PRKAR1A: variants seen among roughly 807,000 people sequenced by gnomAD.
PRKAR1A encodes the protein cAMP-dependent protein kinase type I-alpha regulatory subunit.
In PRKAR1A, 3 loss-of-function variants were observed where a neutral mutation model predicts 52.0. That is an observed-to-expected ratio of 0.06 (90% confidence interval 0.03 to 0.15). PRKAR1A has a LOEUF of 0.15. PRKAR1A is among the 10% of genes least tolerant of loss of function. The pLI is 1.00. For missense variants in PRKAR1A, 240 were observed against 477.4 expected (o/e 0.50, Z 4.63); for synonymous variants, 188 against 168.4 (o/e 1.12, Z -0.90).
At chr17:68,457,197 A>C in the PRKAR1A span, 1 of 934,110 alleles carries the variant, frequency 1.1e-6, no homozygotes, top group Non-Finnish European at 1.6e-6. Flanking sequence ...CGGGGATAAC[A>C]AGATCCCAAT....
chr17:68,530,510 T>C lies in PRKAR1A; in HGVS notation c.*61T>C. On this transcript the variant is annotated 3_prime_UTR_variant, in exon 11 of 11. Transcript: ENST00000589228. The stretch of plus-strand genomic sequence containing the variant: ...CAATCCATGCTTCACTCATGCAAAC[T>C]GCTTTATTTTCCCTACTTGCAGCGC... 1 of 1,613,614 alleles carries C rather than the reference T, an allele frequency of 6.2e-7. No homozygotes were observed. Among genetic ancestry groups the C allele is most frequent in the Non-Finnish European group, 8.5e-7 (1 of 1,179,806 alleles).
chr17:68,524,416 A>G (rs1568696945), intron 5 of PRKAR1A, among the ~76,000 whole-genome samples: 1 of 152,152 alleles, frequency 6.6e-6, no homozygotes, highest in Non-Finnish European at 1.5e-5. Context: ...AATAAATGAA[A>G]CACCTACATT....
At chr17:68,520,181 A>G (rs2085561504) in intron 2 of PRKAR1A, among the ~76,000 whole-genome samples, 2 of 152,200 alleles carry the variant, frequency 1.3e-5, no homozygotes, top group Admixed American at 6.5e-5. Context: ...CACACAGGCA[A>G]CCATGGTATG....
chr17:68,530,467 T>A lies in PRKAR1A; in HGVS notation c.*18T>A, dbSNP rs778913923. On this transcript the variant is annotated 3_prime_UTR_variant, in exon 11 of 11. Transcript: ENST00000589228. ...CTGTCTGAAATCTGCCTCCTGTGCCTCCCTTTTCTCCTCTCCCCAATCCAT... is the reference window on the plus strand; with the variant it reads ...CTGTCTGAAATCTGCCTCCTGTGCCACCCTTTTCTCCTCTCCCCAATCCAT... 1.2e-6 allele frequency: 2 copies of A among 1,613,846 alleles called. No homozygotes were observed. The highest frequency in any genetic ancestry group is 2.7e-5 in the African/African-American group (2 of 74,890).
chr17:68,433,385 A>G, the PRKAR1A span: 1 of 1,259,822 alleles, frequency 7.9e-7, no homozygotes, highest in Non-Finnish European at 1.2e-6. Flanking sequence ...TTCAGAAAGA[A>G]AAGAGATCAT....
upstream of PRKAR1A, among the ~76,000 whole-genome samples, chr17:68,507,673 A>C (rs1016995522): frequency 6.6e-6 from 1 of 152,132 alleles, no homozygotes; most frequent in African/African-American, 2.4e-5. Flanking sequence ...ACATACATAC[A>C]TCTGAAAAAC....
chr17:68,542,278 G>T lies in PRKAR1A; in HGVS notation c.974-8806G>T. On this transcript the variant is annotated intron_variant, in intron 11 of 11. Coordinates refer to the PRKAR1A transcript ENST00000585981. ...AGGGAAACCCTGAACTCACAGCTCG[G>T]GAAGAGAAAGAAGAAGAAGGAAACA... 3 of 1,130,832 alleles carry T rather than the reference G, an allele frequency of 2.7e-6. No individual in the cohort carries two copies. The South Asian group carries it at 4.1e-5, about 15-fold the overall frequency. The allele number at this position is 1,130,832 out of a possible 1,614,324, so 70.0% of individuals were successfully genotyped here.
At chr17:68,450,244 G>A in the PRKAR1A span, among the ~76,000 whole-genome samples, 1 of 152,246 alleles carries the variant, frequency 6.6e-6, no homozygotes, top group African/African-American at 2.4e-5. Flanking sequence ...CCTTCCAGGA[G>A]AGCTGAGGAC....
At chr17:68,547,227 C>G (rs1399049925) in intron 11 of PRKAR1A, among the ~76,000 whole-genome samples, 1 of 152,146 alleles carries the variant, frequency 6.6e-6, no homozygotes, top group East Asian at 1.9e-4. Flanking sequence ...GACATTATCA[C>G]CTAACAAGAG....
intron 2 of PRKAR1A, among the ~76,000 whole-genome samples, chr17:68,519,202 G>A (rs778509032): frequency 6.6e-6 from 1 of 152,044 alleles, no homozygotes; most frequent in Non-Finnish European, 1.5e-5. Flanking sequence ...AGCACCCCAC[G>A]CTCTGTGTAC....
Position 68,524,126 on chromosome 17 carries a change from C to T in PRKAR1A, c.502+49C>T, listed in dbSNP as rs374449586. ...TATTGTTACGGGAGAGGAGGCGAGACTAGAGGATTTTTTTGGTTTTGTTTT... is the reference window on the plus strand; with the variant it reads ...TATTGTTACGGGAGAGGAGGCGAGATTAGAGGATTTTTTTGGTTTTGTTTT... On this transcript the variant is annotated intron_variant, in intron 5 of 10. Coordinates refer to ENST00000589228, the MANE Select transcript of PRKAR1A (RefSeq NM_002734.5). 689 of 1,593,666 alleles carry T rather than the reference C, an allele frequency of 4.3e-4. 1 individual carries two copies. The highest frequency in any genetic ancestry group is 5.4e-4 in the Non-Finnish European group (623 of 1,163,004).
At chr17:68,471,422 A>T in the PRKAR1A span, among the ~76,000 whole-genome samples, 1 of 152,176 alleles carries the variant, frequency 6.6e-6, no homozygotes, top group Non-Finnish European at 1.5e-5. Flanking sequence ...CTGTAACCAT[A>T]ATCTCCTCCT....
At chr17:68,480,922 T>TAGACC in the PRKAR1A span, among the ~76,000 whole-genome samples, 1 of 152,328 alleles carries the variant, frequency 6.6e-6, no homozygotes, top group African/African-American at 2.4e-5. Context: ...AAGTCCTCAG[T>TAGACC]TTTATTCAGG....
the PRKAR1A span, chr17:68,450,800 G>A: frequency 6.2e-7 from 1 of 1,614,098 alleles, no homozygotes; most frequent in Middle Eastern, 1.7e-4. Context: ...CTTTCTTGAA[G>A]TGATACACGT....
At chr17:68,470,199 C>A in the PRKAR1A span, among the ~76,000 whole-genome samples, 288 of 151,994 alleles carry the variant, frequency 1.9e-3, 5 homozygotes, top group South Asian at 2.3e-3. Flanking sequence ...TCTCCTGCTT[C>A]AGCCTCCTAA....
chr17:68,514,202 G>A (rs1350328970), intron 1 of PRKAR1A, among the ~76,000 whole-genome samples: 2 of 152,190 alleles, frequency 1.3e-5, no homozygotes, highest in Non-Finnish European at 2.9e-5. Flanking sequence ...TATGGTGAAA[G>A]TTGTCAAAAC....
chr17:68,513,028 T>C (rs1288135537), intron 1 of PRKAR1A: 1 of 152,270 alleles, frequency 6.6e-6, no homozygotes, highest in East Asian at 1.9e-4. Context: ...GCAGTAGCCT[T>C]TCCTCTTCAT....
chr17:68,448,493 T>C, the PRKAR1A span: 1 of 152,058 alleles, frequency 6.6e-6, no homozygotes, highest in South Asian at 2.1e-4. Flanking sequence ...CTTTAGAAGG[T>C]GGGGGAGGAG....
chr17:68,484,013 A>G, the PRKAR1A span, among the ~76,000 whole-genome samples: 1 of 152,200 alleles, frequency 6.6e-6, no homozygotes, highest in Admixed American at 6.5e-5. Context: ...GACTTTTGAA[A>G]TTAGGTACCA....
Sources: gnomAD v4.1 joint callset for allele counts (sites outside exome capture counted in the v4.1 genomes callset) on GRCh38, gnomAD v4.1.1 for gene constraint, MANE v1.5 for transcripts, NCBI Gene and HGNC (gene_info 2026-07-23, HGNC 2026-07-21) for gene names.